SPATA13: variants seen among roughly 807,000 people sequenced by gnomAD.
SPATA13 encodes spermatogenesis associated 13, also known as spermatogenesis-associated protein 13.
SPATA13 carries 50 observed loss-of-function variants against 104.0 expected under a neutral mutation model. That is an observed-to-expected ratio of 0.48 (90% confidence interval 0.38 to 0.61). The LOEUF (loss-of-function observed/expected upper bound fraction) is 0.61. SPATA13 is among the 20% of genes least tolerant of loss of function. SPATA13 has a pLI of 0.00. For synonymous variants in SPATA13, 606 were observed against 667.5 expected, an observed-to-expected ratio of 0.91 and a Z score of 1.42; for missense variants, 1,524 against 1,690.6, an observed-to-expected ratio of 0.90 and a Z score of 1.73.
At chr13:24,245,248 C>A (rs1261494477) in intron 2 of SPATA13, among the ~76,000 whole-genome samples, 1 of 151,074 alleles carries the variant, frequency 6.6e-6, no homozygotes, top group Non-Finnish European at 1.5e-5. Context: ...CTGGAATGAA[C>A]CTGGGTGGTA....
At chr13:24,211,792 C>A (rs963686178) in intron 1 of SPATA13, among the ~76,000 whole-genome samples, 29 of 152,252 alleles carry the variant, frequency 1.9e-4, no homozygotes, top group African/African-American at 6.0e-4. Flanking sequence ...TTAGAGTAAA[C>A]CCCAATCAAA....
intron 2 of SPATA13, among the ~76,000 whole-genome samples, chr13:23,986,109 T>C (rs1305361811): frequency 1.3e-5 from 2 of 152,242 alleles, no homozygotes; most frequent in African/African-American, 4.8e-5. Flanking sequence ...AATGCAGTTC[T>C]GGTGTGTTAG....
At chr13:24,260,021 T>G (rs775943866) in intron 4 of SPATA13, among the ~76,000 whole-genome samples, 2 of 152,166 alleles carry the variant, frequency 1.3e-5, no homozygotes, top group Non-Finnish European at 2.9e-5. Flanking sequence ...ATGTCCCTAT[T>G]ATAAATGAGG....
chr13:24,042,377 T>C (rs1302597832), intron 3 of SPATA13, among the ~76,000 whole-genome samples: 2 of 152,244 alleles, frequency 1.3e-5, no homozygotes, highest in African/African-American at 4.8e-5. Flanking sequence ...GATGCAGTTC[T>C]AGCCTTTGTG....
chr13:24,113,130 C>T (rs939625233), intron 3 of SPATA13, among the ~76,000 whole-genome samples: 5 of 152,188 alleles, frequency 3.3e-5, no homozygotes, highest in South Asian at 2.1e-4. Flanking sequence ...AAAGGCTAAC[C>T]GGACAATGTC....
chr13:24,270,923 A>G, intron 4 of SPATA13: 1 of 1,589,118 alleles, frequency 6.3e-7, no homozygotes, highest in Non-Finnish European at 8.6e-7. Context: ...GTATGTGTGC[A>G]AAGAATGGAT....
At chr13:24,075,503 G>A (rs1325904445) in intron 3 of SPATA13, among the ~76,000 whole-genome samples, 1 of 152,178 alleles carries the variant, frequency 6.6e-6, no homozygotes, top group African/African-American at 2.4e-5. Context: ...AATTAGAATT[G>A]CTAAAATGTC....
In SPATA13 at chr13:24,282,348, C is replaced by T. The variant is rs554478849; in HGVS notation, c.2165-1787C>T. ...CCTTTTCTAGTCAAGTAACTAGAAA[C>T]GTGGATTTGCCAAGTCCTTGAGGAA... On this transcript the variant is annotated intron_variant, in intron 4 of 12. Transcript: ENST00000382108. 9.8e-5 allele frequency among the ~76,000 whole-genome samples: 15 copies of T among 152,306 alleles called. No homozygotes were observed. The East Asian group carries it at 1.9e-3, about 20-fold the overall frequency.
intron 8 of SPATA13, among the ~76,000 whole-genome samples, chr13:24,290,347 C>T (rs1876252941): frequency 6.6e-6 from 1 of 152,174 alleles, no homozygotes; most frequent in Non-Finnish European, 1.5e-5. Context: ...AGGCCCTGCT[C>T]CCCACCTTCC....
chr13:24,207,278 A>G (rs1040467206), intron 1 of SPATA13, among the ~76,000 whole-genome samples: 3 of 152,246 alleles, frequency 2.0e-5, no homozygotes, highest in African/African-American at 7.2e-5. Context: ...GCTGGGCTTA[A>G]TACCGAGGTG....
At chr13:24,143,271 ACT>A (rs1455001106) in intron 3 of SPATA13, among the ~76,000 whole-genome samples, 2 of 152,176 alleles carry the variant, frequency 1.3e-5, no homozygotes, top group African/African-American at 4.8e-5. Flanking sequence ...GTTTAAGGCA[ACT>A]GCAAGTGCCC....
chr13:24,019,093 A>ATTT (rs71915188), intron 3 of SPATA13, among the ~76,000 whole-genome samples: 54,441 of 140,108 alleles, frequency 0.39, 11,084 homozygotes, highest in South Asian at 0.47. Flanking sequence ...TATTATTATT[A>ATTT]TTTTTTTTTT....
intron 1 of SPATA13, among the ~76,000 whole-genome samples, chr13:24,207,196 A>G (rs1211115261): frequency 6.6e-6 from 1 of 152,166 alleles, no homozygotes; most frequent in Admixed American, 6.5e-5. Flanking sequence ...GGTGGGGAAC[A>G]ACACACGGTG....
At chr13:24,214,876 T>C (rs1871197542) in intron 1 of SPATA13, among the ~76,000 whole-genome samples, 2 of 152,234 alleles carry the variant, frequency 1.3e-5, no homozygotes, top group African/African-American at 4.8e-5. Flanking sequence ...GCAACTAAAC[T>C]CAGCTGGTTT....
intron 3 of SPATA13, among the ~76,000 whole-genome samples, chr13:24,090,478 C>T (rs929134461): frequency 1.3e-5 from 2 of 152,218 alleles, no homozygotes; most frequent in Admixed American, 6.5e-5. Context: ...ACCGTCCCCT[C>T]ACCGAACGGT....
At chr13:24,138,317 A>ACG in intron 3 of SPATA13, among the ~76,000 whole-genome samples, 1 of 149,610 alleles carries the variant, frequency 6.7e-6, no homozygotes, top group African/African-American at 2.5e-5. Context: ...AAAAAAAAAA[A>ACG]AAAACAGTTT....
intron 3 of SPATA13, among the ~76,000 whole-genome samples, chr13:24,075,508 A>G (rs975796654): frequency 6.6e-5 from 10 of 152,208 alleles, no homozygotes; most frequent in African/African-American, 2.4e-4. Context: ...GAATTGCTAA[A>G]ATGTCCTATT....
intron 1 of SPATA13, among the ~76,000 whole-genome samples, chr13:24,183,303 T>A (rs2138528149): frequency 6.6e-6 from 1 of 152,362 alleles, no homozygotes; most frequent in African/African-American, 2.4e-5. Flanking sequence ...ATAGACATCA[T>A]CCTTTATCAC....
chr13:23,988,178 C>T (rs1336484057), intron 2 of SPATA13, among the ~76,000 whole-genome samples: 1 of 152,172 alleles, frequency 6.6e-6, no homozygotes, highest in African/African-American at 2.4e-5. Context: ...CTCCTGACCC[C>T]TCAGGTGATC....
Sources: allele counts gnomAD v4.1 joint callset (sites outside exome capture counted in the v4.1 genomes callset), GRCh38; gene constraint gnomAD v4.1.1; transcripts MANE v1.5; gene names NCBI Gene and HGNC (gene_info 2026-07-23, HGNC 2026-07-21).